The following SUMF1 variants were observed in gnomAD, a reference collection of about 807,000 sequenced individuals.
The protein encoded by SUMF1 is formylglycine-generating enzyme.
SUMF1 carries 48 observed loss-of-function variants against 47.6 expected under a neutral mutation model. That is an observed-to-expected ratio of 1.01 (90% CI 0.80 to 1.28). SUMF1 has a LOEUF of 1.28. Among genes scored for constraint, SUMF1 ranks in the 50% most tolerant of loss-of-function variants. SUMF1 has a pLI of 0.00. For missense variants in SUMF1, 571 were observed against 485.4 expected, an observed-to-expected ratio of 1.18 and a Z score of -1.66; for synonymous variants, 230 against 192.1, an observed-to-expected ratio of 1.20 and a Z score of -1.63.
rs186281460 is a variant in SUMF1 at position 4,186,951 on chromosome 3, G to A, written c.1015-118206C>T. Among the ~76,000 whole-genome samples, 186 of 152,072 alleles carry A rather than the reference G, an allele frequency of 1.2e-3. 1 individual carries two copies. The highest frequency in any genetic ancestry group is 6.3e-3 in the Admixed American group (96 of 15,260). On this transcript the variant is annotated intron_variant and NMD_transcript_variant, in intron 8 of 12. Coordinates refer to the SUMF1 transcript ENST00000448413. ...ACATCTACTAAATATCATTCTTTAC[G>A]TAACACGTACAAACCAATATGTTAC...
At chr3:4,078,423 T>A (rs1692486658) in intron 8 of SUMF1, among the ~76,000 whole-genome samples, 1 of 152,106 alleles carries the variant, frequency 6.6e-6, no homozygotes, top group South Asian at 2.1e-4. Flanking sequence ...AGACTTAACT[T>A]TGATCATGTG....
chr3:4,399,266 G>T (rs1231771498), intron 7 of SUMF1, among the ~76,000 whole-genome samples: 2 of 152,082 alleles, frequency 1.3e-5, no homozygotes, highest in South Asian at 2.1e-4. Context: ...ATTATACAGG[G>T]ATGCAGGGTC....
chr3:4,055,024 CA>C (rs1273827758), intron 9 of SUMF1, among the ~76,000 whole-genome samples: 1 of 152,120 alleles, frequency 6.6e-6, no homozygotes, highest in African/African-American at 2.4e-5. Context: ...AGCACTTAAC[CA>C]ACAGGCTGGA....
intron 8 of SUMF1, among the ~76,000 whole-genome samples, chr3:4,338,868 G>C (rs17040391): frequency 6.6e-6 from 1 of 151,842 alleles, no homozygotes; most frequent in Admixed American, 6.6e-5. Flanking sequence ...TTTGGCATTC[G>C]TGTGATTGAG....
chr3:4,128,704 G>T (rs891388386), intron 8 of SUMF1, among the ~76,000 whole-genome samples: 1 of 152,096 alleles, frequency 6.6e-6, no homozygotes, highest in Admixed American at 6.5e-5. Flanking sequence ...ATAAATTAGA[G>T]TTTATATAAA....
intron 1 of SUMF1, among the ~76,000 whole-genome samples, chr3:4,453,315 A>G (rs1055286627): frequency 3.3e-5 from 5 of 152,232 alleles, no homozygotes; most frequent in Admixed American, 6.5e-5. Flanking sequence ...CAGGTCTGGA[A>G]TAACAGTCAC....
chr3:4,121,170 A>G (rs1559487750), intron 8 of SUMF1, among the ~76,000 whole-genome samples: 2 of 151,958 alleles, frequency 1.3e-5, no homozygotes, highest in Non-Finnish European at 2.9e-5. Context: ...TGACTTGACA[A>G]TTTTTTTCCC....
At chr3:4,121,718 T>C (rs1347315722) in intron 8 of SUMF1, among the ~76,000 whole-genome samples, 2 of 152,124 alleles carry the variant, frequency 1.3e-5, no homozygotes, top group Non-Finnish European at 2.9e-5. Context: ...GCAGCACTAT[T>C]TTTTTATTTA....
chr3:4,128,546 T>C (rs995334622), intron 8 of SUMF1, among the ~76,000 whole-genome samples: 1 of 152,136 alleles, frequency 6.6e-6, no homozygotes, highest in Non-Finnish European at 1.5e-5. Flanking sequence ...CCAGGCAAGA[T>C]AATGTACATT....
intron 8 of SUMF1, among the ~76,000 whole-genome samples, chr3:4,263,595 T>C (rs1697131150): frequency 1.3e-5 from 2 of 152,172 alleles, no homozygotes; most frequent in Non-Finnish European, 2.9e-5. Context: ...AGCATTCTCA[T>C]GATTCCTGTC....
intron 7 of SUMF1, among the ~76,000 whole-genome samples, chr3:4,377,457 C>A (rs1700365035): frequency 6.6e-6 from 1 of 152,146 alleles, no homozygotes. Context: ...AAATAAGTGG[C>A]ACAGTCAGGC....
At chr3:4,285,584 T>C (rs1039136735) in intron 8 of SUMF1, among the ~76,000 whole-genome samples, 28 of 152,174 alleles carry the variant, frequency 1.8e-4, no homozygotes, top group African/African-American at 6.5e-4. Context: ...TAACAATTCT[T>C]CTCTAGTACT....
chr3:4,162,738 T>A (rs1347901146), intron 8 of SUMF1, among the ~76,000 whole-genome samples: 2 of 152,144 alleles, frequency 1.3e-5, no homozygotes, highest in Non-Finnish European at 1.5e-5. Flanking sequence ...CCCTCTTCAA[T>A]GCCTCTTTCA....
chr3:4,255,201 A>G (rs1430758191), intron 8 of SUMF1, among the ~76,000 whole-genome samples: 1 of 139,372 alleles, frequency 7.2e-6, no homozygotes, highest in African/African-American at 2.6e-5. Context: ...AAGAAACTGC[A>G]TCAACTAACG....
intron 8 of SUMF1, among the ~76,000 whole-genome samples, chr3:4,122,242 A>G (rs76961328): frequency 0.038 from 5,806 of 152,276 alleles, 353 homozygotes; most frequent in East Asian, 0.16. Context: ...ATTATGGTGT[A>G]TCCGTATAAC....
chr3:4,365,071 G>A (rs1438046181), intron 8 of SUMF1, among the ~76,000 whole-genome samples: 2 of 151,486 alleles, frequency 1.3e-5, no homozygotes, highest in Admixed American at 1.3e-4. Flanking sequence ...TTGCACTGTG[G>A]TCTGAGAGAC....
chr3:4,126,699 G>C (rs1348257040), intron 8 of SUMF1, among the ~76,000 whole-genome samples: 3 of 152,110 alleles, frequency 2.0e-5, no homozygotes, highest in African/African-American at 7.2e-5. Flanking sequence ...AGATTTCAAA[G>C]AGGGCAAAAG....
At chr3:4,162,182 T>C (rs1159358508) in intron 8 of SUMF1, among the ~76,000 whole-genome samples, 5 of 152,110 alleles carry the variant, frequency 3.3e-5, no homozygotes, top group Admixed American at 3.3e-4. Context: ...GATATCCAAG[T>C]TGCAAGACAA....
At chr3:4,313,207 T>C (rs1363115469) in intron 8 of SUMF1, 1 of 1,613,982 alleles carries the variant, frequency 6.2e-7, no homozygotes, top group South Asian at 1.1e-5. Flanking sequence ...ACTTCGTACC[T>C]TGGAATTTAT....
Sources: gnomAD v4.1 joint callset for allele counts (sites outside exome capture counted in the v4.1 genomes callset) on GRCh38, gnomAD v4.1.1 for gene constraint, MANE v1.5 for transcripts, NCBI Gene and HGNC (gene_info 2026-07-23, HGNC 2026-07-21) for gene names.